Variants in MYRFL observed in about 807,000 individuals in gnomAD.
MYRFL encodes myelin regulatory factor-like protein.
Under a neutral mutation model 109.4 loss-of-function variants are expected in MYRFL, and 88 were observed. That is an observed-to-expected ratio of 0.80 (90% CI 0.68 to 0.96). The LOEUF (loss-of-function observed/expected upper bound fraction) is 0.96. Among genes scored for constraint, MYRFL ranks in the 40% least tolerant of loss-of-function variants. MYRFL has a pLI of 0.00. For synonymous variants in MYRFL, 324 were observed against 320.9 expected, an observed-to-expected ratio of 1.01 and a Z score of -0.10; for missense variants, 957 against 954.9, an observed-to-expected ratio of 1.00 and a Z score of -0.03.
intron 21 of MYRFL, among the ~76,000 whole-genome samples, chr12:69,953,957 T>C (rs1956042813): frequency 6.6e-6 from 1 of 152,192 alleles, no homozygotes; most frequent in South Asian, 2.1e-4. Flanking sequence ...AGTTGATGGC[T>C]GTGAGTTATA....
chr12:69,887,291 C>T (rs1886515569), intron 6 of MYRFL, among the ~76,000 whole-genome samples: 1 of 152,192 alleles, frequency 6.6e-6, no homozygotes, highest in Non-Finnish European at 1.5e-5. Context: ...AAATCACTAA[C>T]ACTTAATCCT....
intron 2 of MYRFL, among the ~76,000 whole-genome samples, chr12:69,876,680 C>T (rs1885683156): frequency 6.6e-6 from 1 of 152,140 alleles, no homozygotes; most frequent in South Asian, 2.1e-4. Context: ...TGGCTATTTC[C>T]TTGGTAACTT....
Position 69,901,716 on chromosome 12 carries a change from G to T in MYRFL, c.1183-1928G>T, listed in dbSNP as rs76255235. Among the ~76,000 whole-genome samples, 1,352 of 152,208 alleles carry T rather than the reference G, an allele frequency of 8.9e-3. 94 individuals are homozygous for T. In the East Asian group the frequency reaches 0.19, roughly 22 times the overall value. ...TTTAGTTGATTGGTTGCTATAAAAG[G>T]ATTTGAGTCAAAGCCAATTTGCCAT... On this transcript the variant is annotated intron_variant, in intron 10 of 24. Coordinates refer to ENST00000552032, the MANE Select transcript of MYRFL (RefSeq NM_182530.3).
intron 13 of MYRFL, among the ~76,000 whole-genome samples, chr12:69,914,933 C>A (rs1954686364): frequency 6.6e-6 from 1 of 152,184 alleles, no homozygotes; most frequent in South Asian, 2.1e-4. Context: ...ATCTGTAACA[C>A]CACAAGCAAG....
intron 1 of MYRFL, among the ~76,000 whole-genome samples, chr12:69,847,431 A>T (rs956860128): frequency 3.3e-5 from 5 of 152,228 alleles, no homozygotes. Flanking sequence ...CTCAGAGATG[A>T]ACTTCTTTTA....
In MYRFL at chr12:69,886,919, C is replaced by T. The variant is rs1246354348; in HGVS notation, c.656C>T (p.Pro219Leu). The T allele has an allele frequency of 6.5e-7, 1 of 1,535,878 alleles. No individual in the cohort carries two copies. Among genetic ancestry groups the T allele is most frequent in the Admixed American group, 2.0e-5 (1 of 50,992 alleles). The change falls in exon 6 of 25, where the codon CCA becomes CTA. Residue 219 changes from proline to leucine, a missense_variant. By Grantham distance (98) the Pro-to-Leu change is moderately conservative. Coordinates refer to ENST00000552032, the MANE Select transcript of MYRFL (RefSeq NM_182530.3). ...TGCTCTCCTGCTCTGAAGTGGCAAC[C>T]ATGCCATAGTGTTCCTTGGCACAGC... is the stretch of plus-strand genomic sequence containing the variant. ...DQCSPALKWQPCHSVPWHSLL... is the reference protein window; with the variant it reads ...DQCSPALKWQLCHSVPWHSLL...
chr12:69,957,390 A>AGAT (rs1273513512), intron 22 of MYRFL, among the ~76,000 whole-genome samples: 1 of 152,196 alleles, frequency 6.6e-6, no homozygotes, highest in African/African-American at 2.4e-5. Context: ...ATACATATGG[A>AGAT]GATAAGTTTT....
intron 2 of MYRFL, among the ~76,000 whole-genome samples, chr12:69,857,365 G>T (rs1884361938): frequency 6.6e-6 from 1 of 151,578 alleles, no homozygotes; most frequent in Non-Finnish European, 1.5e-5. Context: ...ATATTGTCTT[G>T]GTTATTCTAG....
At chr12:69,951,906 A>G (rs1440381158) in intron 19 of MYRFL, among the ~76,000 whole-genome samples, 1 of 152,220 alleles carries the variant, frequency 6.6e-6, no homozygotes, top group Non-Finnish European at 1.5e-5. Flanking sequence ...AGGGGACCCA[A>G]TTTAGTCCAT....
At chr12:69,860,543 AATTTAT>A (rs1884585616) in intron 2 of MYRFL, among the ~76,000 whole-genome samples, 1 of 152,040 alleles carries the variant, frequency 6.6e-6, no homozygotes, top group East Asian at 1.9e-4. Context: ...CAACTTAGAC[AATTTAT>A]ATTTAAATTA....
At chr12:69,893,665 G>A in intron 7 of MYRFL, 99 bp from the exon 8 acceptor site, 1 of 586,218 alleles carries the variant, frequency 1.7e-6, no homozygotes. Context: ...CAGTGCCTAG[G>A]ATGATGCCTT....
At chr12:69,916,906 C>T (rs761035939) in intron 13 of MYRFL, among the ~76,000 whole-genome samples, 2 of 152,116 alleles carry the variant, frequency 1.3e-5, no homozygotes, top group African/African-American at 2.4e-5. Flanking sequence ...TGCTACTGCC[C>T]AACACTTTGC....
chr12:69,891,682 T>A lies in MYRFL; in HGVS notation c.903+516T>A, dbSNP rs12297862. ...CTTTCTTTCTTTCTTTCTTTCTTTC[T>A]TTCGTTCGTTCGTTCTTTCTTTCTT... is the stretch of plus-strand genomic sequence containing the variant. On this transcript the variant is annotated intron_variant, in intron 7 of 24. Transcript: ENST00000552032. Among the ~76,000 whole-genome samples the A allele has an allele frequency of 1.4e-3, 139 of 101,556 alleles. 5 individuals carry two copies. The highest frequency in any genetic ancestry group is 5.9e-3 in the African/African-American group (136 of 22,984). The allele number at this position is 101,556 out of a possible 152,430, so 66.6% of individuals were successfully genotyped here.
In MYRFL at chr12:69,910,761, G is replaced by A. The variant is rs2120390148; in HGVS notation, c.1493-60G>A. 15 of 1,276,058 alleles carry A rather than the reference G, an allele frequency of 1.2e-5. No individual in the cohort carries two copies. The South Asian group carries it at 1.5e-4, about 13-fold the overall frequency. The allele number at this position is 1,276,058 out of a possible 1,614,324, so 79.0% of individuals were successfully genotyped here. On this transcript the variant is annotated intron_variant, in intron 12 of 24. Transcript: ENST00000552032. ...GTAGATCAAAGCAAAAGCTTAGAGAGGATTTTCTCCAGAAAGATCTTTCTT... is the reference window on the plus strand; with the variant it reads ...GTAGATCAAAGCAAAAGCTTAGAGAAGATTTTCTCCAGAAAGATCTTTCTT...
At position 69,926,930 on chromosome 12, in the gene MYRFL, CT is replaced by C. The variant is rs1955105023; in HGVS notation, c.1766+197del. Among the ~76,000 whole-genome samples, 2 of 47,798 alleles carry C rather than the reference CT, an allele frequency of 4.2e-5. 1 individual carries two copies. Among genetic ancestry groups the C allele is most frequent in the African/African-American group, 1.2e-4 (2 of 16,820 alleles). The allele number at this position is 47,798 out of a possible 152,430, so 31.4% of individuals were successfully genotyped here. A position where few individuals can be genotyped will look rare whatever the true frequency, so the allele number is the denominator to read the frequency against. On this transcript the variant is annotated intron_variant, in intron 14 of 24. Coordinates refer to ENST00000552032, the MANE Select transcript of MYRFL (RefSeq NM_182530.3). ...TAACTTTCTTAGTTTTTTTCTGTTG[CT>C]GGTTTTTTTTTTTTTTTTTTTTTTT...
chr12:69,901,890 T>TTTTA (rs1954200173), intron 10 of MYRFL, among the ~76,000 whole-genome samples: 1 of 149,530 alleles, frequency 6.7e-6, no homozygotes, highest in Non-Finnish European at 1.5e-5. Flanking sequence ...GCTGTTTTTT[T>TTTTA]TTGTTTTTTT....
intron 19 of MYRFL, among the ~76,000 whole-genome samples, chr12:69,938,717 G>C (rs1006089451): frequency 1.2e-4 from 18 of 152,130 alleles, no homozygotes; most frequent in African/African-American, 4.3e-4. Flanking sequence ...GAACAGCTCC[G>C]GTCTACAGCT....
chr12:69,887,240 A>G (rs1886511791), intron 6 of MYRFL, among the ~76,000 whole-genome samples: 1 of 152,244 alleles, frequency 6.6e-6, no homozygotes, highest in South Asian at 2.1e-4. Flanking sequence ...CTGGGATCAC[A>G]TGCCCAGTTT....
intron 11 of MYRFL, among the ~76,000 whole-genome samples, chr12:69,909,300 G>A (rs887069921): frequency 6.6e-6 from 1 of 152,160 alleles, no homozygotes; most frequent in Admixed American, 6.5e-5. Context: ...TGGTGGAGGG[G>A]CTCTACTGCC....
Sources: allele counts gnomAD v4.1 joint callset (sites outside exome capture counted in the v4.1 genomes callset), GRCh38; gene constraint gnomAD v4.1.1; transcripts MANE v1.5; gene names NCBI Gene and HGNC (gene_info 2026-07-23, HGNC 2026-07-21).